GRM1: variants seen among roughly 807,000 people sequenced by gnomAD.
GRM1 encodes the protein metabotropic glutamate receptor 1.
GRM1 carries 33 observed loss-of-function variants against 90.9 expected under a neutral mutation model. The observed-to-expected ratio is 0.36, with a 90% CI of 0.28 to 0.49. The LOEUF is 0.49. Among genes scored for constraint, GRM1 ranks in the 20% least tolerant of loss-of-function variants. The pLI, the probability that GRM1 is intolerant of heterozygous loss-of-function variation, is 0.99. For synonymous variants in GRM1, 700 were observed against 613.2 expected (o/e 1.14, Z -2.09); for missense variants, 1,190 against 1,534.3 (o/e 0.78, Z 3.75).
chr6:146,047,487 A>G (rs944320963), intron 1 of GRM1, among the ~76,000 whole-genome samples: 2 of 151,672 alleles, frequency 1.3e-5, no homozygotes, highest in African/African-American at 4.8e-5. Flanking sequence ...CTCTGTGGAC[A>G]TGTGGCCCGC....
At chr6:146,431,183 G>A (rs1404090488) in intron 7 of GRM1, among the ~76,000 whole-genome samples, 2 of 152,180 alleles carry the variant, frequency 1.3e-5, no homozygotes, top group African/African-American at 4.8e-5. Flanking sequence ...TGAGGTGTGA[G>A]ATCTGTTTCC....
intron 2 of GRM1, among the ~76,000 whole-genome samples, chr6:146,161,182 A>G (rs1189808902): frequency 6.6e-6 from 1 of 152,142 alleles, no homozygotes; most frequent in Non-Finnish European, 1.5e-5. Flanking sequence ...TTTATAATTT[A>G]CAAAACAACA....
chr6:146,234,172 C>T (rs1562546082), intron 2 of GRM1, among the ~76,000 whole-genome samples: 1 of 151,900 alleles, frequency 6.6e-6, no homozygotes. Context: ...CATTGATTGG[C>T]ATTTTGGTTG....
At chr6:146,164,680 G>A (rs896985711) in intron 2 of GRM1, among the ~76,000 whole-genome samples, 19 of 152,060 alleles carry the variant, frequency 1.2e-4, no homozygotes, top group African/African-American at 3.9e-4. Flanking sequence ...GGTCTCACTA[G>A]TAGGTCCCTT....
intron 2 of GRM1, among the ~76,000 whole-genome samples, chr6:146,211,275 C>T (rs1181119689): frequency 6.6e-6 from 1 of 151,324 alleles, no homozygotes; most frequent in Non-Finnish European, 1.5e-5. Context: ...AGTTCTGACA[C>T]TTGATCATTC....
At position 146,408,670 on chromosome 6, in the gene GRM1, C is replaced by T. The variant is rs547541151; in HGVS notation, c.2660+8971C>T. 2.0e-5 allele frequency among the ~76,000 whole-genome samples: 3 copies of T among 152,214 alleles called. No homozygotes were observed. In the South Asian group the frequency reaches 6.2e-4, roughly 32 times the overall value. On this transcript the variant is annotated intron_variant, in intron 7 of 7. Coordinates refer to ENST00000282753, the MANE Select transcript of GRM1 (RefSeq NM_001278064.2). Reference sequence around the variant, plus strand: ...GCCTTATGCATTCATTATATTCGTGCTATAAAAAATAGAGGAGCTGTAAGT... The same window carrying T: ...GCCTTATGCATTCATTATATTCGTGTTATAAAAAATAGAGGAGCTGTAAGT...
chr6:146,393,925 C>G (rs1002951620), intron 6 of GRM1, among the ~76,000 whole-genome samples: 1 of 152,020 alleles, frequency 6.6e-6, no homozygotes, highest in Non-Finnish European at 1.5e-5. Context: ...ATATATAGAC[C>G]AATGGAACAC....
At chr6:146,181,044 T>G (rs1447545168) in intron 2 of GRM1, among the ~76,000 whole-genome samples, 2 of 152,180 alleles carry the variant, frequency 1.3e-5, no homozygotes, top group African/African-American at 4.8e-5. Context: ...GAGGAGAATT[T>G]GTGCCAAAGA....
intron 2 of GRM1, among the ~76,000 whole-genome samples, chr6:146,246,606 T>A (rs1345600477): frequency 6.6e-6 from 1 of 152,210 alleles, no homozygotes; most frequent in Non-Finnish European, 1.5e-5. Flanking sequence ...GTTCACCATG[T>A]TCTATCACAG....
chr6:146,157,386 G>A (rs1777559458), intron 1 of GRM1, among the ~76,000 whole-genome samples: 1 of 152,194 alleles, frequency 6.6e-6, no homozygotes, highest in Admixed American at 6.5e-5. Context: ...ATTTTGATAA[G>A]AGAAGATTAT....
At chr6:146,148,910 A>C (rs1206308047) in intron 1 of GRM1, among the ~76,000 whole-genome samples, 4 of 152,164 alleles carry the variant, frequency 2.6e-5, no homozygotes, top group Non-Finnish European at 5.9e-5. Context: ...CACATAGGTA[A>C]GGATAGTGGA....
At chr6:146,046,347 G>T (rs1018711456) in intron 1 of GRM1, among the ~76,000 whole-genome samples, 1 of 151,968 alleles carries the variant, frequency 6.6e-6, no homozygotes, top group Non-Finnish European at 1.5e-5. Context: ...TGCTAAAAGA[G>T]AGTATCTAAG....
At chr6:146,294,821 G>T (rs1303812258) in intron 2 of GRM1, among the ~76,000 whole-genome samples, 1 of 152,066 alleles carries the variant, frequency 6.6e-6, no homozygotes, top group Non-Finnish European at 1.5e-5. Context: ...AAAATAAGTT[G>T]TATCTTACAT....
chr6:146,399,316 C>T lies in GRM1; in HGVS notation c.2277C>T (p.Tyr759=). 1 of 1,614,174 alleles carries T rather than the reference C, an allele frequency of 6.2e-7. No individual in the cohort carries two copies. Among genetic ancestry groups the T allele is most frequent in the Non-Finnish European group, 8.5e-7 (1 of 1,180,030 alleles). ...TGGGTGTGGTGGCCCCTTTGGGCTA[C>T]AATGGACTCCTCATCATGAGCTGTA... ...SNLGVVAPLG[Y]NGLLIMSCTY... is the part of the protein sequence containing the mutation. The change falls in exon 7 of 8, where the codon TAC becomes TAT. Residue 759 remains tyrosine, a synonymous_variant. Coordinates refer to ENST00000282753, the MANE Select transcript of GRM1 (RefSeq NM_001278064.2). This position sits in a 1 kb window ranked among gnomAD's most constrained non-coding sequence, Gnocchi z 5.4.
intron 2 of GRM1, among the ~76,000 whole-genome samples, chr6:146,210,767 A>G (rs546786666): frequency 6.6e-6 from 1 of 152,194 alleles, no homozygotes; most frequent in Non-Finnish European, 1.5e-5. Context: ...CTGAATTGAT[A>G]GTTCTCCAAA....
chr6:146,133,659 T>C (rs1320471764), intron 1 of GRM1, among the ~76,000 whole-genome samples: 1 of 152,182 alleles, frequency 6.6e-6, no homozygotes, highest in African/African-American at 2.4e-5. Flanking sequence ...AGAGAGTGTT[T>C]GATAATGATC....
At position 146,399,514 on chromosome 6, in the gene GRM1, G is replaced by C; in HGVS notation, c.2475G>C (p.Val825=). The change falls in exon 7 of 8, where the codon GTG becomes GTC. Residue 825 remains valine, a synonymous_variant. Coordinates refer to ENST00000282753, the MANE Select transcript of GRM1 (RefSeq NM_001278064.2). This position sits in a 1 kb window ranked among gnomAD's most constrained non-coding sequence, Gnocchi z 5.4. ...TCFAVSLSVT[V]ALGCMFTPKM... Reference sequence around the variant, plus strand: ...TTGCAGTGAGTCTCAGTGTAACAGTGGCTCTGGGGTGCATGTTCACTCCCA... The same window carrying C: ...TTGCAGTGAGTCTCAGTGTAACAGTCGCTCTGGGGTGCATGTTCACTCCCA... 3 of 1,614,134 alleles carry C rather than the reference G, an allele frequency of 1.9e-6. No individual in the cohort carries two copies. The highest frequency in any genetic ancestry group is 2.5e-6 in the Non-Finnish European group (3 of 1,179,992).
intron 2 of GRM1, among the ~76,000 whole-genome samples, chr6:146,262,971 T>G (rs530650246): frequency 6.6e-6 from 1 of 151,996 alleles, no homozygotes; most frequent in African/African-American, 2.4e-5. Flanking sequence ...GTATTTCTCA[T>G]GTTGGTAACT....
Position 146,159,343 on chromosome 6 carries a change from G to A in GRM1, c.701-5G>A, listed in dbSNP as rs1777627891. ...CTTGAACATCTGCTGATTGTTTCTG[G>A]ACAGGGAATTATGGGGAGAGCGGAA... On this transcript the variant is annotated splice_polypyrimidine_tract_variant and splice_region_variant and intron_variant, in intron 1 of 7. Coordinates refer to ENST00000282753, the MANE Select transcript of GRM1 (RefSeq NM_001278064.2). 6.2e-7 allele frequency: 1 copy of A among 1,613,994 alleles called. No homozygotes were observed. The highest frequency in any genetic ancestry group is 1.3e-5 in the African/African-American group (1 of 74,920).
Sources: gnomAD v4.1 joint callset for allele counts (sites outside exome capture counted in the v4.1 genomes callset) on GRCh38, gnomAD v4.1.1 for gene constraint, Gnocchi (gnomAD v3.1) non-coding constraint, MANE v1.5 for transcripts, NCBI Gene and HGNC (gene_info 2026-07-23, HGNC 2026-07-21) for gene names.